The following NFYA variants were observed in gnomAD, a reference collection of about 807,000 sequenced individuals.
NFYA encodes nuclear transcription factor Y subunit alpha.
A neutral mutation model predicts 52.8 loss-of-function variants in NFYA; 28 were observed. The observed-to-expected ratio is 0.53, with a 90% CI of 0.39 to 0.73. NFYA has a LOEUF of 0.73. Among genes scored for constraint, NFYA ranks in the 30% least tolerant of loss-of-function variants. The probability of loss-of-function intolerance (pLI) is 0.00; values close to 1 mark genes in which losing one functional copy is unlikely to be tolerated. For missense variants in NFYA, 234 were observed against 427.0 expected (o/e 0.55, Z 3.98); for synonymous variants, 150 against 150.7 (o/e 1.00, Z 0.03).
chr6:41,095,104 C>T (rs754893978), intron 9 of NFYA, among the ~76,000 whole-genome samples: 4 of 152,158 alleles, frequency 2.6e-5, no homozygotes, highest in Admixed American at 6.5e-5. Flanking sequence ...CTCTCCACAT[C>T]CTAGTGTGAT....
chr6:41,076,842 G>A (rs1316732117), intron 1 of NFYA, among the ~76,000 whole-genome samples: 2 of 152,180 alleles, frequency 1.3e-5, no homozygotes, highest in Non-Finnish European at 2.9e-5. Flanking sequence ...AGGAACATAT[G>A]ACTTTACTGA....
chr6:41,073,360 T>C (rs1763595153), intron 1 of NFYA, among the ~76,000 whole-genome samples: 1 of 151,796 alleles, frequency 6.6e-6, no homozygotes, highest in South Asian at 2.1e-4. Flanking sequence ...CCAGGGCCAG[T>C]TGGGAATGCG....
intron 9 of NFYA, among the ~76,000 whole-genome samples, chr6:41,095,985 T>C (rs1324886716): frequency 6.6e-6 from 1 of 152,236 alleles, no homozygotes; most frequent in Non-Finnish European, 1.5e-5. Context: ...CTCCATTCTA[T>C]ATTAACATCA....
chr6:41,096,308 C>T (rs1764355038), intron 9 of NFYA, among the ~76,000 whole-genome samples: 1 of 152,216 alleles, frequency 6.6e-6, no homozygotes, highest in Non-Finnish European at 1.5e-5. Flanking sequence ...GAGAGCCCCT[C>T]CTTTCTCATT....
intron 9 of NFYA, 52 bp downstream of exon 9, chr6:41,094,549 G>T: frequency 1.4e-6 from 2 of 1,430,388 alleles, no homozygotes; most frequent in Non-Finnish European, 9.8e-7. Context: ...GTATTGACTT[G>T]AGTTGAAGCC....
At position 41,098,612 on chromosome 6, in the gene NFYA, TGAG is replaced by T. The variant is rs1458663089; in HGVS notation, c.*1204_*1206del. 1 of 152,624 alleles carries T rather than the reference TGAG, an allele frequency of 6.6e-6. No homozygotes were observed. Among genetic ancestry groups the T allele is most frequent in the East Asian group, 1.9e-4 (1 of 5,192 alleles). The allele number at this position is 152,624 out of a possible 1,614,324, so 9.5% of individuals were successfully genotyped here. ...AGAGTCCAAGTTACCCACTAAAGCTTGAGGTGGATGTTGGCTTCACTCCTGCAG... is the reference window on the plus strand; with the variant it reads ...AGAGTCCAAGTTACCCACTAAAGCTTGTGGATGTTGGCTTCACTCCTGCAG... On this transcript the variant is annotated 3_prime_UTR_variant, in exon 10 of 10. Transcript: ENST00000341376.
intron 4 of NFYA, among the ~76,000 whole-genome samples, chr6:41,088,515 A>G (rs1166322003): frequency 6.6e-6 from 1 of 152,110 alleles, no homozygotes; most frequent in Non-Finnish European, 1.5e-5. Context: ...GGTCCTCTCA[A>G]GGCCCTTATC....
intron 2 of NFYA, 64 bp from the exon 3 acceptor site, chr6:41,080,747 C>A: frequency 7.5e-7 from 1 of 1,342,074 alleles, no homozygotes; most frequent in Non-Finnish European, 1.1e-6. Flanking sequence ...GTAAGGTGAT[C>A]TGTGTCTTGA....
intron 3 of NFYA, among the ~76,000 whole-genome samples, chr6:41,083,486 T>TAC (rs1056324048): frequency 3.9e-5 from 6 of 152,170 alleles, no homozygotes; most frequent in African/African-American, 1.4e-4. Context: ...GATAAAGGTA[T>TAC]ACATTTGACA....
intron 4 of NFYA, among the ~76,000 whole-genome samples, chr6:41,086,433 A>G (rs539687709): frequency 2.6e-5 from 4 of 152,328 alleles, no homozygotes; most frequent in African/African-American, 7.2e-5. Context: ...GCTGAAAAAA[A>G]TATATTCTGT....
chr6:41,086,656 C>T (rs921602051), intron 4 of NFYA, among the ~76,000 whole-genome samples: 1 of 152,064 alleles, frequency 6.6e-6, no homozygotes, highest in African/African-American at 2.4e-5. Context: ...TGTCCAGTCT[C>T]ATGAAAAATT....
chr6:41,075,042 G>A (rs995085282), intron 1 of NFYA, among the ~76,000 whole-genome samples: 4 of 152,140 alleles, frequency 2.6e-5, no homozygotes, highest in African/African-American at 9.7e-5. Flanking sequence ...TCGGGGACAG[G>A]TTTTATTTTC....
chr6:41,082,345 T>C (rs1763933264), intron 3 of NFYA, among the ~76,000 whole-genome samples: 1 of 152,254 alleles, frequency 6.6e-6, no homozygotes, highest in South Asian at 2.1e-4. Flanking sequence ...ATCTTACTCA[T>C]ATATAAAACA....
rs1045950975 is a variant in NFYA at position 41,090,459 on chromosome 6, T to C, written c.547+150T>C. On this transcript the variant is annotated intron_variant, in intron 6 of 9. Transcript: ENST00000341376. The stretch of plus-strand genomic sequence containing the variant: ...AGATTTCCTCTAGCTCTCCATTGAT[T>C]GTTGGTTTCTTGTCACCATCTGTGA... The C allele has an allele frequency of 6.9e-5, 39 of 561,800 alleles. No homozygotes were observed. In the Admixed American group the frequency reaches 7.5e-4, roughly 11 times the overall value. The allele number at this position is 561,800 out of a possible 1,614,324, so 34.8% of individuals were successfully genotyped here. A position where few individuals can be genotyped will look rare whatever the true frequency, so the allele number is the denominator to read the frequency against.
At chr6:41,079,227 G>A in intron 2 of NFYA, 63 bp downstream of exon 2, 1 of 1,490,402 alleles carries the variant, frequency 6.7e-7, no homozygotes, top group Non-Finnish European at 9.4e-7. Context: ...CCACTCAATT[G>A]GTTGGTCTAT....
intron 2 of NFYA, among the ~76,000 whole-genome samples, chr6:41,079,790 TTA>T (rs1233498404): frequency 1.3e-5 from 2 of 152,220 alleles, no homozygotes; most frequent in African/African-American, 4.8e-5. Context: ...AAAAAATGTA[TTA>T]TGTTTCTATT....
rs1197531888 is a variant in NFYA, at chr6:41,101,602, G to A, written c.*4192G>A. Among the ~76,000 whole-genome samples the A allele has an allele frequency of 1.3e-5, 2 of 152,174 alleles. No homozygotes were observed. The highest frequency in any genetic ancestry group is 1.3e-4 in the Admixed American group (2 of 15,274). On this transcript the variant is annotated 3_prime_UTR_variant, in exon 10 of 10. Coordinates refer to ENST00000341376, the MANE Select transcript of NFYA (RefSeq NM_002505.5). ...GCCGTAGCTATCTAGCAGCCACTCC[G>A]CGAGTCGTTCATTTAACAAATACTT...
In NFYA at chr6:41,073,342, G is replaced by T. The variant is rs983731092; in HGVS notation, c.-62+258G>T. On this transcript the variant is annotated intron_variant, in intron 1 of 9. Transcript: ENST00000341376. ...CAGGCACCTCGGGGCTCCGACCCTC[G>T]CAGGGTGCCAGGGCCAGTTGGGAAT... Among the ~76,000 whole-genome samples, 7 of 151,736 alleles carry T rather than the reference G, an allele frequency of 4.6e-5. 1 individual carries two copies. The highest frequency in any genetic ancestry group is 2.6e-4 in the Admixed American group (4 of 15,214).
chr6:41,096,642 C>G (rs929010511), intron 9 of NFYA, among the ~76,000 whole-genome samples: 38 of 152,314 alleles, frequency 2.5e-4, no homozygotes, highest in Non-Finnish European at 1.5e-5. Context: ...TTTCTCAGAT[C>G]CTGCCTACCA....
Sources: gnomAD v4.1 joint callset for allele counts (sites outside exome capture counted in the v4.1 genomes callset) on GRCh38, gnomAD v4.1.1 for gene constraint, MANE v1.5 for transcripts, NCBI Gene and HGNC (gene_info 2026-07-23, HGNC 2026-07-21) for gene names.